The following CAPN13 variants were observed in gnomAD, a reference collection of about 807,000 sequenced individuals.
CAPN13 encodes calpain-13.
Under a neutral mutation model 98.4 loss-of-function variants are expected in CAPN13, and 90 were observed. The ratio of observed to expected loss-of-function variants is 0.92; its 90% CI spans 0.77 to 1.09. CAPN13 has a LOEUF of 1.09. Among genes scored for constraint, CAPN13 ranks in the 50% least tolerant of loss-of-function variants. The pLI, the probability that CAPN13 is intolerant of heterozygous loss-of-function variation, is 0.00. For missense variants in CAPN13, 887 were observed against 841.3 expected, an observed-to-expected ratio of 1.05 and a Z score of -0.67; for synonymous variants, 330 against 305.5, an observed-to-expected ratio of 1.08 and a Z score of -0.84.
intron 5 of CAPN13, among the ~76,000 whole-genome samples, chr2:30,768,487 T>C (rs1310103002): frequency 1.3e-5 from 2 of 152,144 alleles, no homozygotes; most frequent in Non-Finnish European, 2.9e-5. Flanking sequence ...CCACAGCAGC[T>C]GCAGCCAAAC....
At chr2:30,761,816 T>A (rs1672864575) in intron 7 of CAPN13, among the ~76,000 whole-genome samples, 2 of 152,042 alleles carry the variant, frequency 1.3e-5, no homozygotes, top group Non-Finnish European at 2.9e-5. Flanking sequence ...CATGAAACAA[T>A]GGAACAACTG....
rs981504894 is a variant in CAPN13, at chr2:30,763,097, C to T, written c.759G>A (p.Val253=). 6.2e-7 allele frequency: 1 copy of T among 1,609,844 alleles called. No homozygotes were observed. Among genetic ancestry groups the T allele is most frequent in the Admixed American group, 1.7e-5 (1 of 59,734 alleles). ...NGLVSLHAYT[V]TGAEQIQYRR... ...CCAGCCTTACCTGCTCAGCCCCAGT[C>T]ACAGTGTAGGCATGGAGACTCACCA... The change falls in exon 7 of 23, where the codon GTG becomes GTA. Residue 253 remains valine (V), a synonymous_variant. Transcript: ENST00000295055.
intron 1 of CAPN13, among the ~76,000 whole-genome samples, chr2:30,788,089 A>G (rs1674410601): frequency 6.6e-6 from 1 of 151,664 alleles, no homozygotes; most frequent in Non-Finnish European, 1.5e-5. Flanking sequence ...TATGGGGGAT[A>G]GGGAGGAAAA....
At chr2:30,730,938 G>C (rs879240564) in intron 21 of CAPN13, among the ~76,000 whole-genome samples, 152 bp from the exon 22 acceptor site, 3 of 152,108 alleles carry the variant, frequency 2.0e-5, no homozygotes, top group African/African-American at 7.2e-5. Flanking sequence ...ACGGGGCGGG[G>C]TTGTCTCACA....
At chr2:30,758,364 C>T (rs1328582621) in intron 7 of CAPN13, among the ~76,000 whole-genome samples, 1 of 152,234 alleles carries the variant, frequency 6.6e-6, no homozygotes, top group African/African-American at 2.4e-5. Context: ...CGCTCAGCCC[C>T]TTGCAAGGGC....
At chr2:30,726,995 A>T (rs1381015558) in intron 22 of CAPN13, among the ~76,000 whole-genome samples, 1 of 152,226 alleles carries the variant, frequency 6.6e-6, no homozygotes, top group East Asian at 1.9e-4. Flanking sequence ...CATAAGATAC[A>T]CACATAAATC....
At chr2:30,794,191 T>A (rs1572881900) in intron 1 of CAPN13, among the ~76,000 whole-genome samples, 1 of 151,290 alleles carries the variant, frequency 6.6e-6, no homozygotes, top group African/African-American at 2.4e-5. Flanking sequence ...TATAAAGAAC[T>A]CTTACAAATC....
chr2:30,764,001 G>C (rs1307961010), intron 6 of CAPN13, 131 bp downstream of exon 6: 1 of 897,196 alleles, frequency 1.1e-6, no homozygotes, highest in Non-Finnish European at 1.7e-6. Flanking sequence ...GGTGACCCGG[G>C]TAAAGCACGC....
At chr2:30,771,253 G>A (rs113067865) in intron 4 of CAPN13, among the ~76,000 whole-genome samples, 76 of 152,324 alleles carry the variant, frequency 5.0e-4, no homozygotes, top group African/African-American at 1.7e-3. Context: ...CCCTGTGTAC[G>A]AGAAGCAGCA....
At chr2:30,757,141 A>T (rs1672492258) in intron 8 of CAPN13, among the ~76,000 whole-genome samples, 1 of 152,108 alleles carries the variant, frequency 6.6e-6, no homozygotes, top group Non-Finnish European at 1.5e-5. Flanking sequence ...CCCCAGCCCC[A>T]CGGGCGATGA....
intron 7 of CAPN13, among the ~76,000 whole-genome samples, chr2:30,759,061 TCCCTCCC>T: frequency 8.4e-5 from 1 of 11,854 alleles, no homozygotes; most frequent in East Asian, 1.1e-3. Flanking sequence ...CTTCCCTCCC[TCCCTCCC>T]TCCTCCCTCC....
chr2:30,774,451 A>T (rs1429169925), intron 4 of CAPN13, among the ~76,000 whole-genome samples: 3 of 152,170 alleles, frequency 2.0e-5, no homozygotes, highest in Non-Finnish European at 4.4e-5. Context: ...AAGGAAAAGT[A>T]AAAATACAGC....
At position 30,793,564 on chromosome 2, in the gene CAPN13, C is replaced by CT. The variant is rs201530311; in HGVS notation, c.-32-6208dup. On this transcript the variant is annotated intron_variant, in intron 1 of 22. Coordinates refer to ENST00000295055, the MANE Select transcript of CAPN13 (RefSeq NM_144575.3). The stretch of plus-strand genomic sequence containing the variant: ...CAATCCTAACCAAAATTCTAGCATG[C>CT]TTTTTTTTTGTTAGAAATTGATAAG... Among the ~76,000 whole-genome samples, 93 of 150,380 alleles carry CT rather than the reference C, an allele frequency of 6.2e-4. 1 individual carries two copies. The highest frequency in any genetic ancestry group is 2.9e-3 in the Admixed American group (44 of 15,082).
At chr2:30,723,293 C>T (rs1670753775) in intron 22 of CAPN13, 57 bp from the exon 23 acceptor site, 1 of 152,252 alleles carries the variant, frequency 6.6e-6, no homozygotes, top group African/African-American at 2.4e-5. Context: ...AAAGAAACTC[C>T]TTCCTTTGAG....
intron 1 of CAPN13, among the ~76,000 whole-genome samples, chr2:30,803,058 A>C (rs1675386957): frequency 6.6e-6 from 1 of 152,154 alleles, no homozygotes; most frequent in African/African-American, 2.4e-5. Context: ...CATCTCCCCC[A>C]GGGCCATGCC....
At chr2:30,803,057 C>T (rs1183911265) in intron 1 of CAPN13, among the ~76,000 whole-genome samples, 1 of 152,186 alleles carries the variant, frequency 6.6e-6, no homozygotes, top group Non-Finnish European at 1.5e-5. Context: ...TCATCTCCCC[C>T]AGGGCCATGC....
intron 5 of CAPN13, among the ~76,000 whole-genome samples, chr2:30,766,582 C>T (rs555821313): frequency 2.3e-4 from 35 of 152,296 alleles, no homozygotes; most frequent in East Asian, 5.8e-4. Flanking sequence ...CTGTGTTCAC[C>T]GCAGCCACCA....
intron 3 of CAPN13, 140 bp from the exon 4 acceptor site, chr2:30,776,185 C>T (rs547284906): frequency 7.4e-5 from 41 of 555,240 alleles, no homozygotes; most frequent in African/African-American, 4.6e-4. Context: ...AGAGGAGAAC[C>T]GGGGGAGGGA....
intron 12 of CAPN13, 67 bp from the exon 13 acceptor site, chr2:30,743,646 A>G (rs1671767580): frequency 4.3e-6 from 6 of 1,393,118 alleles, no homozygotes; most frequent in Admixed American, 1.7e-5. Context: ...AGTCACCAAG[A>G]AAGACCCACC....
Sources: allele counts gnomAD v4.1 joint callset (sites outside exome capture counted in the v4.1 genomes callset), GRCh38; gene constraint gnomAD v4.1.1; transcripts MANE v1.5; gene names NCBI Gene and HGNC (gene_info 2026-07-23, HGNC 2026-07-21).